The following WDR43 variants were observed in gnomAD, a reference collection of about 807,000 sequenced individuals.
WDR43 encodes WD repeat-containing protein 43.
A neutral mutation model predicts 91.4 loss-of-function variants in WDR43; 13 were observed. The ratio of observed to expected loss-of-function variants is 0.14; its 90% CI spans 0.09 to 0.23. WDR43 has a LOEUF of 0.23. Ranked by LOEUF, WDR43 falls within the 10% of genes least tolerant of loss-of-function variation. WDR43 has a pLI of 1.00. For synonymous variants in WDR43, 331 were observed against 287.9 expected (o/e 1.15, Z -1.51); for missense variants, 780 against 809.4 (o/e 0.96, Z 0.44).
intron 5 of WDR43, 85 bp downstream of exon 5, chr2:28,914,293 CTTTA>C (rs1670865072): frequency 1.4e-6 from 2 of 1,412,168 alleles, no homozygotes; most frequent in Non-Finnish European, 1.9e-6. Flanking sequence ...GAATATGGGA[CTTTA>C]TTTGTTGTAT....
At chr2:28,943,809 G>T (rs1054767360) in intron 16 of WDR43, among the ~76,000 whole-genome samples, 9 of 152,168 alleles carry the variant, frequency 5.9e-5, no homozygotes, top group African/African-American at 1.9e-4. Context: ...GTGAGAAATG[G>T]ATAAATTTGA....
At chr2:28,946,260 A>G (rs532638740) in intron 16 of WDR43, among the ~76,000 whole-genome samples, 190 bp from the exon 17 acceptor site, 1 of 152,150 alleles carries the variant, frequency 6.6e-6, no homozygotes, top group East Asian at 1.9e-4. Context: ...GCAGTGAGCC[A>G]AGATTGCTCC....
chr2:28,928,765 T>C (rs1440701275), intron 10 of WDR43, among the ~76,000 whole-genome samples: 1 of 152,138 alleles, frequency 6.6e-6, no homozygotes, highest in East Asian at 1.9e-4. Flanking sequence ...CACTGCAACC[T>C]CCACCTCCTG....
At chr2:28,921,213 T>G (rs1252799712) in intron 6 of WDR43, among the ~76,000 whole-genome samples, 3 of 151,674 alleles carry the variant, frequency 2.0e-5, no homozygotes, top group Non-Finnish European at 4.4e-5. Context: ...CTGCAACCTC[T>G]GCCTCCCGGG....
chr2:28,905,747 C>T (rs984112386), intron 2 of WDR43, among the ~76,000 whole-genome samples: 1 of 151,246 alleles, frequency 6.6e-6, no homozygotes, highest in African/African-American at 2.4e-5. Context: ...TCACTGCAAC[C>T]TCTGCCTCTC....
At chr2:28,906,947 G>C (rs1426489909) in intron 3 of WDR43, among the ~76,000 whole-genome samples, 2 of 152,062 alleles carry the variant, frequency 1.3e-5, no homozygotes, top group Non-Finnish European at 2.9e-5. Flanking sequence ...AAAAGAAGTT[G>C]GGGAGATGGC....
intron 5 of WDR43, among the ~76,000 whole-genome samples, chr2:28,917,579 C>T (rs1277289922): frequency 3.9e-5 from 6 of 152,086 alleles, no homozygotes; most frequent in Non-Finnish European, 7.4e-5. Flanking sequence ...TATTATCAAG[C>T]GGCACTAATC....
chr2:28,937,168 G>T (rs1258369667), intron 13 of WDR43, among the ~76,000 whole-genome samples: 1 of 152,052 alleles, frequency 6.6e-6, no homozygotes. Flanking sequence ...TTTATTAGCA[G>T]GTCATTTAAA....
At position 28,900,674 on chromosome 2, in the gene WDR43, C is replaced by A. The variant is rs1207951026; in HGVS notation, c.226-1313C>A. Among the ~76,000 whole-genome samples the A allele has an allele frequency of 2.0e-5, 3 of 152,272 alleles. No individual in the cohort carries two copies. The South Asian group carries it at 6.2e-4, about 32-fold the overall frequency. On this transcript the variant is annotated intron_variant, in intron 1 of 17. Coordinates refer to ENST00000407426, the MANE Select transcript of WDR43 (RefSeq NM_015131.3). Reference sequence around the variant, plus strand: ...AACTGAAACGGGGACCTAGAACACTCCTAAAATTGAGGTTTCAATGTTTCA... The same window carrying A: ...AACTGAAACGGGGACCTAGAACACTACTAAAATTGAGGTTTCAATGTTTCA...
At chr2:28,908,412 A>G (rs921771422) in intron 3 of WDR43, among the ~76,000 whole-genome samples, 1 of 152,208 alleles carries the variant, frequency 6.6e-6, no homozygotes, top group African/African-American at 2.4e-5. Context: ...TAGCAGACAC[A>G]GTAGTTTCTA....
At chr2:28,935,760 A>G in intron 12 of WDR43, 153 bp downstream of exon 12, 1 of 420,274 alleles carries the variant, frequency 2.4e-6, no homozygotes, top group South Asian at 7.1e-5. Flanking sequence ...AAAAAAAAAA[A>G]AAAAAAAAGT....
In WDR43 at chr2:28,947,495, A is replaced by G. The variant is rs775075885; in HGVS notation, c.*716A>G. The G allele has an allele frequency of 1.1e-4, 16 of 152,284 alleles. No homozygotes were observed. The highest frequency in any genetic ancestry group is 1.9e-4 in the East Asian group (1 of 5,188). 9.4% of individuals were successfully genotyped at this position (152,284 alleles called of 1,614,324 possible). A position where few individuals can be genotyped will look rare whatever the true frequency, so the allele number is the denominator to read the frequency against. On this transcript the variant is annotated 3_prime_UTR_variant, in exon 18 of 18. Coordinates refer to ENST00000407426, the MANE Select transcript of WDR43 (RefSeq NM_015131.3). ...ATATTAAGGATTTTTCTTGACTGCAAATTACTTCTAAAGAATCATCAGTGT... is the reference window on the plus strand; with the variant it reads ...ATATTAAGGATTTTTCTTGACTGCAGATTACTTCTAAAGAATCATCAGTGT...
intron 11 of WDR43, among the ~76,000 whole-genome samples, chr2:28,930,507 A>AT (rs1336075773): frequency 2.6e-5 from 4 of 152,250 alleles, no homozygotes; most frequent in South Asian, 2.1e-4. Context: ...TATTTGATCC[A>AT]TTTTTTTAGG....
intron 9 of WDR43, 68 bp downstream of exon 9, chr2:28,926,622 T>A: frequency 7.5e-7 from 1 of 1,325,914 alleles, no homozygotes; most frequent in Non-Finnish European, 1.0e-6. Context: ...AACTGTTACT[T>A]AGTATTATGA....
At chr2:28,923,014 T>C in intron 7 of WDR43, 31 bp downstream of exon 7, 1 of 1,589,274 alleles carries the variant, frequency 6.3e-7, no homozygotes, top group Non-Finnish European at 8.6e-7. Flanking sequence ...GTAAGAAATT[T>C]GTTTCTTTCC....
chr2:28,903,216 T>G (rs1171950889), intron 2 of WDR43, among the ~76,000 whole-genome samples: 2 of 152,184 alleles, frequency 1.3e-5, no homozygotes, highest in African/African-American at 4.8e-5. Context: ...GATAGTCCAT[T>G]ATGTTACTTA....
intron 3 of WDR43, 116 bp from the exon 4 acceptor site, chr2:28,912,474 A>AC: frequency 1.6e-6 from 2 of 1,283,394 alleles, no homozygotes; most frequent in Non-Finnish European, 2.2e-6. Flanking sequence ...TGTAATTGTC[A>AC]CAGGACCTGA....
chr2:28,899,354 G>A (rs1670539408), intron 1 of WDR43, among the ~76,000 whole-genome samples: 1 of 152,160 alleles, frequency 6.6e-6, no homozygotes, highest in Admixed American at 6.5e-5. Context: ...AAGTTTCCGT[G>A]GAGGAGGTGG....
At chr2:28,895,550 C>T (rs920021220) in intron 1 of WDR43, among the ~76,000 whole-genome samples, 1 of 152,064 alleles carries the variant, frequency 6.6e-6, no homozygotes, top group Non-Finnish European at 1.5e-5. Context: ...GCCCCTCCCG[C>T]CCCGCTTTCA....
Sources: allele counts gnomAD v4.1 joint callset (sites outside exome capture counted in the v4.1 genomes callset), GRCh38; gene constraint gnomAD v4.1.1; transcripts MANE v1.5; gene names NCBI Gene and HGNC (gene_info 2026-07-23, HGNC 2026-07-21).